The following DCC variants were observed in gnomAD, a reference collection of about 807,000 sequenced individuals.
DCC encodes netrin receptor DCC.
A neutral mutation model predicts 172.5 loss-of-function variants in DCC; 58 were observed. That is an observed-to-expected ratio of 0.34 (90% CI 0.27 to 0.42). DCC has a LOEUF of 0.42. Ranked by LOEUF, DCC falls within the 10% of genes least tolerant of loss-of-function variation. DCC has a pLI of 1.00. For missense variants in DCC, 1,740 were observed against 1,791.0 expected, an observed-to-expected ratio of 0.97 and a Z score of 0.51; for synonymous variants, 709 against 644.5, an observed-to-expected ratio of 1.10 and a Z score of -1.52.
At chr18:53,427,766 G>C (rs1197984574) in intron 21 of DCC, among the ~76,000 whole-genome samples, 1 of 142,960 alleles carries the variant, frequency 7.0e-6, no homozygotes, top group Non-Finnish European at 1.5e-5. Context: ...ATGAGAAATA[G>C]TAGAATTCAG....
At chr18:53,251,634 T>A (rs1398750284) in intron 12 of DCC, among the ~76,000 whole-genome samples, 1 of 151,930 alleles carries the variant, frequency 6.6e-6, no homozygotes, top group Non-Finnish European at 1.5e-5. Flanking sequence ...TTGGGTTTTT[T>A]AAAAAGTTAC....
intron 2 of DCC, among the ~76,000 whole-genome samples, chr18:52,836,719 T>C (rs374702595): frequency 2.1e-4 from 32 of 152,324 alleles, no homozygotes; most frequent in African/African-American, 7.7e-4. Context: ...TGGGCTGGCA[T>C]TGAGTGCCAG....
intron 1 of DCC, among the ~76,000 whole-genome samples, chr18:52,667,933 T>C (rs768916755): frequency 2.6e-5 from 4 of 151,906 alleles, no homozygotes; most frequent in Non-Finnish European, 4.4e-5. Context: ...TGTGCCAGTT[T>C]AAACAAAAAA....
chr18:53,497,927 A>G (rs904527836), intron 26 of DCC, among the ~76,000 whole-genome samples: 1 of 151,788 alleles, frequency 6.6e-6, no homozygotes, highest in Non-Finnish European at 1.5e-5. Context: ...TCCCTTGTTC[A>G]AAGAAATCTT....
At chr18:52,648,669 A>T (rs1026410034) in intron 1 of DCC, among the ~76,000 whole-genome samples, 3 of 152,194 alleles carry the variant, frequency 2.0e-5, no homozygotes, top group African/African-American at 7.2e-5. Context: ...TTGTGTGCCC[A>T]ATCCGAGGTC....
intron 1 of DCC, among the ~76,000 whole-genome samples, chr18:52,558,045 C>T (rs942527698): frequency 1.3e-5 from 2 of 151,880 alleles, no homozygotes; most frequent in Admixed American, 1.3e-4. Flanking sequence ...CTTATGTTTT[C>T]CTTCAGAATT....
intron 1 of DCC, among the ~76,000 whole-genome samples, chr18:52,490,552 C>T (rs2030447610): frequency 1.3e-5 from 2 of 152,020 alleles, no homozygotes; most frequent in Non-Finnish European, 1.5e-5. Flanking sequence ...GACTAGAAAC[C>T]AGGCACTTGC....
chr18:52,571,798 C>T (rs1357922426), intron 1 of DCC, among the ~76,000 whole-genome samples: 3 of 152,198 alleles, frequency 2.0e-5, no homozygotes, highest in East Asian at 1.9e-4. Context: ...GAAACTGGTT[C>T]GGTTCTGGTC....
intron 1 of DCC, among the ~76,000 whole-genome samples, chr18:52,724,481 C>T (rs942388466): frequency 6.6e-6 from 1 of 152,030 alleles, no homozygotes; most frequent in East Asian, 1.9e-4. Flanking sequence ...TCTCAATAGC[C>T]AGTTTTATCT....
At chr18:52,890,109 A>G (rs1397455732) in intron 2 of DCC, among the ~76,000 whole-genome samples, 1 of 152,154 alleles carries the variant, frequency 6.6e-6, no homozygotes, top group Non-Finnish European at 1.5e-5. Context: ...TGCAATATCA[A>G]CAAAGAAAAT....
At chr18:53,159,397 T>A (rs1268160670) in intron 8 of DCC, among the ~76,000 whole-genome samples, 1 of 152,206 alleles carries the variant, frequency 6.6e-6, no homozygotes, top group Non-Finnish European at 1.5e-5. Flanking sequence ...CTTGTCAACT[T>A]TACCTTGGCC....
At chr18:52,471,624 C>A (rs895932537) in intron 1 of DCC, among the ~76,000 whole-genome samples, 3 of 152,134 alleles carry the variant, frequency 2.0e-5, no homozygotes, top group Admixed American at 6.5e-5. Context: ...GCTGAAATCC[C>A]GGCATGAGGG....
rs1482117035 is a variant in DCC, at chr18:53,147,607, A to G, written c.1262-9749A>G. 2.6e-5 allele frequency among the ~76,000 whole-genome samples: 4 copies of G among 152,320 alleles called. No individual in the cohort carries two copies. In the East Asian group the frequency reaches 7.7e-4, roughly 29 times the overall value. On this transcript the variant is annotated intron_variant, in intron 7 of 28. Transcript: ENST00000442544. ...CAAGTGCACTGCACACAAATGCTTAATAAACCTCACTGCCATACACAGCCA... is the reference window on the plus strand; with the variant it reads ...CAAGTGCACTGCACACAAATGCTTAGTAAACCTCACTGCCATACACAGCCA...
intron 1 of DCC, among the ~76,000 whole-genome samples, chr18:52,528,645 A>C (rs553665456): frequency 6.6e-6 from 1 of 151,642 alleles, no homozygotes; most frequent in Non-Finnish European, 1.5e-5. Flanking sequence ...TCCTCACCCT[A>C]AGGTTTCATC....
At position 53,036,852 on chromosome 18, in the gene DCC, T is replaced by C. The variant is rs1013873004; in HGVS notation, c.986-26453T>C. Among the ~76,000 whole-genome samples, 3 of 152,010 alleles carry C rather than the reference T, an allele frequency of 2.0e-5. No homozygotes were observed. In the East Asian group the frequency reaches 5.8e-4, roughly 29 times the overall value. On this transcript the variant is annotated intron_variant, in intron 5 of 28. Transcript: ENST00000442544. ...AATATGCTTTAGAGGCTTGGAGATG[T>C]GTTCTTTCAGGCATTGCTTTCCATC...
intron 1 of DCC, among the ~76,000 whole-genome samples, chr18:52,466,879 T>C (rs80305476): frequency 0.047 from 7,215 of 152,180 alleles, 258 homozygotes; most frequent in Non-Finnish European, 0.074. Flanking sequence ...AATTTGCCTT[T>C]ATTATTATCT....
intron 1 of DCC, among the ~76,000 whole-genome samples, chr18:52,506,628 A>T (rs1034480095): frequency 2.6e-5 from 4 of 152,112 alleles, no homozygotes; most frequent in African/African-American, 9.7e-5. Context: ...TTAATGTTAT[A>T]TGATATTTTT....
chr18:52,841,646 G>C (rs1202920297), intron 2 of DCC, among the ~76,000 whole-genome samples: 1 of 152,124 alleles, frequency 6.6e-6, no homozygotes, highest in Non-Finnish European at 1.5e-5. Flanking sequence ...AAAAAAAATA[G>C]GTTCACTGGG....
intron 22 of DCC, among the ~76,000 whole-genome samples, chr18:53,443,870 A>T (rs924823553): frequency 5.3e-5 from 8 of 152,240 alleles, no homozygotes; most frequent in Non-Finnish European, 1.2e-4. Flanking sequence ...AAATCCCAGT[A>T]ACTGCGATCG....
Sources: allele counts gnomAD v4.1 joint callset (sites outside exome capture counted in the v4.1 genomes callset), GRCh38; gene constraint gnomAD v4.1.1; transcripts MANE v1.5; gene names NCBI Gene and HGNC (gene_info 2026-07-23, HGNC 2026-07-21).